The following SLC38A6 variants were observed in gnomAD, a reference collection of about 807,000 sequenced individuals.
SLC38A6 encodes the protein solute carrier family 38 member 6.
In SLC38A6, 73 loss-of-function variants were observed where a neutral mutation model predicts 65.0. The ratio of observed to expected loss-of-function variants is 1.12; its 90% CI spans 0.93 to 1.37. SLC38A6 has a LOEUF of 1.37. Among genes scored for constraint, SLC38A6 ranks in the 40% most tolerant of loss-of-function variants. The pLI, the probability that SLC38A6 is intolerant of heterozygous loss-of-function variation, is 0.00. For synonymous variants in SLC38A6, 183 were observed against 178.8 expected (o/e 1.02, Z -0.19); for missense variants, 561 against 531.1 (o/e 1.06, Z -0.55).
At chr14:61,036,553 T>C (rs1398123241) in intron 6 of SLC38A6, among the ~76,000 whole-genome samples, 2 of 152,158 alleles carry the variant, frequency 1.3e-5, no homozygotes, top group Non-Finnish European at 2.9e-5. Flanking sequence ...GGCACATGTA[T>C]ACCTACGTAA....
intron 6 of SLC38A6, among the ~76,000 whole-genome samples, chr14:61,035,968 G>A (rs1482963289): frequency 1.3e-5 from 2 of 151,580 alleles, no homozygotes; most frequent in African/African-American, 2.4e-5. Flanking sequence ...ACAAAATCAC[G>A]TTAACCTACC....
intron 5 of SLC38A6, among the ~76,000 whole-genome samples, chr14:61,028,657 G>A (rs1223839954): frequency 2.0e-5 from 3 of 152,044 alleles, no homozygotes; most frequent in Non-Finnish European, 2.9e-5. Flanking sequence ...TGTCTCAGTG[G>A]ATTTTAGTCA....
chr14:61,038,581 A>C (rs1004757868), intron 8 of SLC38A6, among the ~76,000 whole-genome samples: 1 of 152,212 alleles, frequency 6.6e-6, no homozygotes, highest in African/African-American at 2.4e-5. Flanking sequence ...AGAACAGCAC[A>C]TCAGTAGTTA....
intron 2 of SLC38A6, 55 bp downstream of exon 2, chr14:60,982,693 A>G: frequency 6.6e-7 from 1 of 1,524,294 alleles, no homozygotes; most frequent in Non-Finnish European, 8.9e-7. Flanking sequence ...TAATATACGG[A>G]GAAGTAGAGA....
chr14:61,014,288 A>AT (rs987966800), intron 3 of SLC38A6, among the ~76,000 whole-genome samples: 4 of 151,598 alleles, frequency 2.6e-5, no homozygotes, highest in Non-Finnish European at 4.4e-5. Context: ...CATTCGTCTA[A>AT]TTTTTTTTCA....
intron 6 of SLC38A6, among the ~76,000 whole-genome samples, chr14:61,034,918 T>C (rs1254769246): frequency 6.6e-6 from 1 of 152,210 alleles, no homozygotes; most frequent in African/African-American, 2.4e-5. Flanking sequence ...TCTCTTGTTC[T>C]GTTAAAGAGG....
chr14:61,023,957 G>A (rs1453133197), intron 5 of SLC38A6, among the ~76,000 whole-genome samples: 1 of 152,110 alleles, frequency 6.6e-6, no homozygotes, highest in African/African-American at 2.4e-5. Flanking sequence ...TAGGAAGAAA[G>A]AAAGGACTAA....
At chr14:61,082,269 C>T (rs564017867) in intron 16 of SLC38A6, among the ~76,000 whole-genome samples, 19 of 152,298 alleles carry the variant, frequency 1.2e-4, no homozygotes, top group East Asian at 3.9e-4. Context: ...AACTGGTCTG[C>T]CTGTCACAGC....
In SLC38A6 at chr14:61,019,581, G is replaced by A. The variant is rs1262734914; in HGVS notation, c.403+1G>A. The A allele has an allele frequency of 6.2e-7, 1 of 1,613,028 alleles. No homozygotes were observed. The highest frequency in any genetic ancestry group is 8.5e-7 in the Non-Finnish European group (1 of 1,179,304). Reference sequence around the variant, plus strand: ...ACCATAATAATTCAGAATATTGGAGGTAAGCAATTGCAAGTGCACTGTTTA... The same window carrying A: ...ACCATAATAATTCAGAATATTGGAGATAAGCAATTGCAAGTGCACTGTTTA... On this transcript the variant is annotated splice_donor_variant, in intron 5 of 15. Transcript: ENST00000267488. LOFTEE classifies it high-confidence loss of function.
At chr14:60,998,888 C>G (rs527744183) in intron 3 of SLC38A6, among the ~76,000 whole-genome samples, 1 of 152,342 alleles carries the variant, frequency 6.6e-6, no homozygotes, top group South Asian at 2.1e-4. Flanking sequence ...GATCAGGGGA[C>G]TCTCCCGTTT....
intron 12 of SLC38A6, 128 bp downstream of exon 12, chr14:61,046,295 G>A: frequency 3.7e-6 from 2 of 538,678 alleles, no homozygotes; most frequent in Non-Finnish European, 3.3e-6. Flanking sequence ...TTACAATGCA[G>A]TACTGTGGTG....
chr14:60,988,203 A>G (rs573223349), intron 3 of SLC38A6, among the ~76,000 whole-genome samples: 63 of 152,226 alleles, frequency 4.1e-4, no homozygotes, highest in African/African-American at 1.5e-3. Flanking sequence ...CTCTCATACT[A>G]ATTTGAAGAT....
At chr14:61,061,148 CA>C (rs1209859201) in intron 15 of SLC38A6, among the ~76,000 whole-genome samples, 1 of 152,144 alleles carries the variant, frequency 6.6e-6, no homozygotes, top group African/African-American at 2.4e-5. Context: ...GCTCCTCCCC[CA>C]AGTGTTGAAT....
chr14:61,003,908 T>C (rs2038889137), intron 3 of SLC38A6, among the ~76,000 whole-genome samples: 1 of 152,156 alleles, frequency 6.6e-6, no homozygotes, highest in Admixed American at 6.5e-5. Context: ...ACCATTGTAG[T>C]CAGTCTCCAT....
In SLC38A6 at chr14:61,051,854, T is replaced by C. The variant is rs2042522601; in HGVS notation, c.1118T>C (p.Ile373Thr). The change falls in exon 14 of 16, where the codon ATC (isoleucine) becomes ACC (threonine). Residue 373 changes from isoleucine to threonine, a missense_variant. Coordinates refer to ENST00000267488, the MANE Select transcript of SLC38A6 (RefSeq NM_153811.3). Reference sequence around the variant, plus strand: ...TTCTCATGGATTCGCCATTTTTTGATCACTCTAGCACTCAATATTATCATC... The same window carrying C: ...TTCTCATGGATTCGCCATTTTTTGACCACTCTAGCACTCAATATTATCATC... ...FPFSWIRHFL[I>T]TLALNIIIVL... 1.9e-6 allele frequency: 3 copies of C among 1,612,590 alleles called. No homozygotes were observed. The highest frequency in any genetic ancestry group is 2.5e-6 in the Non-Finnish European group (3 of 1,179,298).
chr14:60,983,386 G>A (rs1419947408), intron 2 of SLC38A6, among the ~76,000 whole-genome samples: 2 of 152,148 alleles, frequency 1.3e-5, no homozygotes, highest in Admixed American at 1.3e-4. Flanking sequence ...AGCTACTTGG[G>A]AGGACTGCTT....
At chr14:61,054,739 G>A (rs2042648611), downstream of SLC38A6, among the ~76,000 whole-genome samples, 1 of 152,128 alleles carries the variant, frequency 6.6e-6, no homozygotes. Context: ...AAACTTTGCT[G>A]AAGTTATCAG....
At chr14:61,042,954 C>T (rs1402152488) in intron 8 of SLC38A6, among the ~76,000 whole-genome samples, 193 bp from the exon 9 acceptor site, 1 of 152,160 alleles carries the variant, frequency 6.6e-6, no homozygotes, top group Non-Finnish European at 1.5e-5. Context: ...TAACACCCTG[C>T]AGTCTCCAAC....
intron 3 of SLC38A6, among the ~76,000 whole-genome samples, chr14:61,009,877 G>A (rs1190723531): frequency 5.9e-5 from 9 of 152,210 alleles, no homozygotes; most frequent in South Asian, 4.2e-4. Context: ...CATGATTTAT[G>A]TTCCTTTGGG....
Sources: allele counts gnomAD v4.1 joint callset (sites outside exome capture counted in the v4.1 genomes callset), GRCh38; gene constraint gnomAD v4.1.1; transcripts MANE v1.5; gene names NCBI Gene and HGNC (gene_info 2026-07-23, HGNC 2026-07-21).